The following GRM1 variants were observed in gnomAD, a reference collection of about 807,000 sequenced individuals.
The protein encoded by GRM1 is glutamate metabotropic receptor 1.
Under a neutral mutation model 90.9 loss-of-function variants are expected in GRM1, and 33 were observed. That is an observed-to-expected ratio of 0.36 (90% CI 0.28 to 0.49). GRM1 has a LOEUF of 0.49. Among genes scored for constraint, GRM1 ranks in the 20% least tolerant of loss-of-function variants. The probability of loss-of-function intolerance (pLI) is 0.99; values close to 1 mark genes in which losing one functional copy is unlikely to be tolerated. For synonymous variants in GRM1, 700 were observed against 613.2 expected, an observed-to-expected ratio of 1.14 and a Z score of -2.09; for missense variants, 1,190 against 1,534.3, an observed-to-expected ratio of 0.78 and a Z score of 3.75.
At chr6:146,419,493 C>T (rs1171365439) in intron 7 of GRM1, among the ~76,000 whole-genome samples, 3 of 152,124 alleles carry the variant, frequency 2.0e-5, no homozygotes, top group Non-Finnish European at 4.4e-5. Context: ...ACTAATAGTG[C>T]AAATTTGCCA....
chr6:146,283,409 G>A (rs1226731840), intron 2 of GRM1, among the ~76,000 whole-genome samples: 1 of 152,126 alleles, frequency 6.6e-6, no homozygotes, highest in African/African-American at 2.4e-5. Context: ...AAAACATCGG[G>A]TAGTCCTGTG....
chr6:146,368,667 T>G (rs559782131), intron 5 of GRM1, among the ~76,000 whole-genome samples: 2 of 152,194 alleles, frequency 1.3e-5, no homozygotes, highest in Non-Finnish European at 2.9e-5. Context: ...TGATGTGGTA[T>G]TAAACCATCC....
At chr6:146,117,630 T>G (rs1214505274) in intron 1 of GRM1, among the ~76,000 whole-genome samples, 1 of 152,116 alleles carries the variant, frequency 6.6e-6, no homozygotes, top group Non-Finnish European at 1.5e-5. Flanking sequence ...CTGATTATGT[T>G]TCACTATCTA....
chr6:146,201,875 G>A (rs939386438), intron 2 of GRM1, among the ~76,000 whole-genome samples: 1 of 152,202 alleles, frequency 6.6e-6, no homozygotes, highest in Non-Finnish European at 1.5e-5. Flanking sequence ...AACCCACAAT[G>A]TCTGGCTCCA....
chr6:146,269,208 T>C (rs1394779928), intron 2 of GRM1, among the ~76,000 whole-genome samples: 3 of 152,228 alleles, frequency 2.0e-5, no homozygotes, highest in African/African-American at 7.2e-5. Context: ...TTTTATCAAT[T>C]GACCTATAAA....
At chr6:146,358,393 G>A (rs1785672519) in intron 5 of GRM1, among the ~76,000 whole-genome samples, 1 of 152,198 alleles carries the variant, frequency 6.6e-6, no homozygotes, top group African/African-American at 2.4e-5. Context: ...AAACCAAACT[G>A]GGGGATGCGC....
At chr6:146,154,212 G>A (rs184412978) in intron 1 of GRM1, among the ~76,000 whole-genome samples, 1 of 152,326 alleles carries the variant, frequency 6.6e-6, no homozygotes, top group East Asian at 1.9e-4. Context: ...TGGGCACCCT[G>A]CAATTTAAAA....
chr6:146,203,162 C>G (rs1427391596), intron 2 of GRM1, among the ~76,000 whole-genome samples: 1 of 151,560 alleles, frequency 6.6e-6, no homozygotes, highest in Non-Finnish European at 1.5e-5. Flanking sequence ...CCACATCACT[C>G]CAGCCTGGGG....
intron 2 of GRM1, among the ~76,000 whole-genome samples, chr6:146,220,564 G>A (rs572856553): frequency 2.0e-4 from 30 of 152,254 alleles, no homozygotes; most frequent in African/African-American, 7.2e-4. Flanking sequence ...AATTTTAGGA[G>A]TATTTCAGAA....
intron 2 of GRM1, among the ~76,000 whole-genome samples, chr6:146,298,798 C>A (rs1783272562): frequency 6.6e-6 from 1 of 152,148 alleles, no homozygotes; most frequent in Non-Finnish European, 1.5e-5. Flanking sequence ...ACTCATTAAT[C>A]TAGGTTATCA....
At chr6:146,391,736 A>G (rs1028911047) in intron 6 of GRM1, among the ~76,000 whole-genome samples, 3 of 152,046 alleles carry the variant, frequency 2.0e-5, no homozygotes, top group South Asian at 2.1e-4. Flanking sequence ...AAAAGGAAAA[A>G]GAATCTAAAA....
At chr6:146,397,491 A>T (rs1777005206) in intron 6 of GRM1, among the ~76,000 whole-genome samples, 1 of 150,834 alleles carries the variant, frequency 6.6e-6, no homozygotes, top group Non-Finnish European at 1.5e-5. Context: ...AAAGAAAAAA[A>T]AAAAAAAAAA....
At chr6:146,248,535 C>G (rs1211226754) in intron 2 of GRM1, among the ~76,000 whole-genome samples, 1 of 152,192 alleles carries the variant, frequency 6.6e-6, no homozygotes, top group Non-Finnish European at 1.5e-5. Context: ...CCTTTGCCTT[C>G]TGCCATGATT....
chr6:146,266,710 G>A (rs973071501), intron 2 of GRM1, among the ~76,000 whole-genome samples: 3 of 152,188 alleles, frequency 2.0e-5, no homozygotes, highest in Non-Finnish European at 4.4e-5. Context: ...CTTACAGCAA[G>A]CCCTGCTCCC....
rs554433479 is a variant in GRM1, at chr6:146,403,420, C to G, written c.2660+3721C>G. 3.2e-4 allele frequency among the ~76,000 whole-genome samples: 49 copies of G among 152,158 alleles called. 2 individuals carry two copies. The South Asian group carries it at 8.1e-3, about 25-fold the overall frequency. On this transcript the variant is annotated intron_variant, in intron 7 of 7. Transcript: ENST00000282753. The stretch of plus-strand genomic sequence containing the variant: ...AAACTAAAAACAATTACAACCTTTC[C>G]TCCCTAAAGGCATCAGACTGACACA...
intron 1 of GRM1, among the ~76,000 whole-genome samples, chr6:146,047,779 A>G (rs1582924893): frequency 6.6e-6 from 1 of 151,966 alleles, no homozygotes; most frequent in African/African-American, 2.4e-5. Context: ...TTTGAAACTT[A>G]TTGAATTGGG....
chr6:146,262,276 A>C (rs563288554), intron 2 of GRM1, among the ~76,000 whole-genome samples: 1 of 152,190 alleles, frequency 6.6e-6, no homozygotes, highest in African/African-American at 2.4e-5. Flanking sequence ...TATGTAGAAA[A>C]AATTATCTTG....
intron 1 of GRM1, among the ~76,000 whole-genome samples, chr6:146,155,511 AGT>A (rs1489642145): frequency 6.6e-6 from 1 of 152,222 alleles, no homozygotes; most frequent in African/African-American, 2.4e-5. Flanking sequence ...CCTGTGGTAA[AGT>A]GTCACATGAC....
intron 2 of GRM1, among the ~76,000 whole-genome samples, chr6:146,235,564 A>G (rs1333415492): frequency 6.6e-6 from 1 of 151,782 alleles, no homozygotes; most frequent in Non-Finnish European, 1.5e-5. Flanking sequence ...CAGATTTTGA[A>G]TATTCTGTTT....
Sources: gnomAD v4.1 joint callset for allele counts (sites outside exome capture counted in the v4.1 genomes callset) on GRCh38, gnomAD v4.1.1 for gene constraint, MANE v1.5 for transcripts, NCBI Gene and HGNC (gene_info 2026-07-23, HGNC 2026-07-21) for gene names.